Variants in ADAMTS2 observed in about 807,000 individuals in gnomAD.
The protein encoded by ADAMTS2 is A disintegrin and metalloproteinase with thrombospondin motifs 2.
ADAMTS2 carries 50 observed loss-of-function variants against 123.0 expected under a neutral mutation model. The observed-to-expected ratio is 0.41, with a 90% confidence interval of 0.32 to 0.51. The LOEUF (loss-of-function observed/expected upper bound fraction) is 0.51. ADAMTS2 is among the 20% of genes least tolerant of loss of function. The pLI is 0.35. For missense variants in ADAMTS2, 1,494 were observed against 1,705.2 expected (o/e 0.88, Z 2.18); for synonymous variants, 678 against 695.4 (o/e 0.98, Z 0.39).
At chr5:179,136,821 T>G (rs1402931777) in intron 12 of ADAMTS2, among the ~76,000 whole-genome samples, 1 of 150,442 alleles carries the variant, frequency 6.6e-6, no homozygotes, top group Non-Finnish European at 1.5e-5. Context: ...ATGCAAAAAT[T>G]TAGCCGGGTG....
intron 5 of ADAMTS2, among the ~76,000 whole-genome samples, chr5:179,160,052 C>G (rs1225600046): frequency 2.0e-5 from 3 of 152,180 alleles, no homozygotes; most frequent in Non-Finnish European, 4.4e-5. Context: ...AAGGATTTAT[C>G]TGGCCATAAA....
intron 4 of ADAMTS2, among the ~76,000 whole-genome samples, chr5:179,196,857 G>A (rs144472276): frequency 1.3e-5 from 2 of 152,332 alleles, no homozygotes; most frequent in East Asian, 3.9e-4. Flanking sequence ...AATGGCCACA[G>A]GCAATTCATA....
Position 179,307,708 on chromosome 5 carries a change from C to T in ADAMTS2, c.535-34644G>A, listed in dbSNP as rs145519585. Among the ~76,000 whole-genome samples the T allele has an allele frequency of 4.4e-4, 67 of 151,594 alleles. No homozygotes were observed. Among genetic ancestry groups the T allele is most frequent in the South Asian group, 3.3e-3 (16 of 4,792 alleles). ...AGATCTCCTCTGTGTCCTTGGCACA[C>T]TTCAACTCAGCACCTGCCTCAGGGC... On this transcript the variant is annotated intron_variant, in intron 2 of 21. Transcript: ENST00000251582. This position sits in a 1 kb window ranked among gnomAD's most constrained non-coding sequence, Gnocchi z 5.6.
chr5:179,255,432 G>A (rs1422606460), intron 3 of ADAMTS2, among the ~76,000 whole-genome samples: 2 of 152,198 alleles, frequency 1.3e-5, no homozygotes, highest in Non-Finnish European at 2.9e-5. Flanking sequence ...TAGAGGGTGA[G>A]GATTGGGGGT....
chr5:179,136,089 C>T, intron 12 of ADAMTS2, 47 bp from the exon 13 acceptor site: 1 of 1,612,740 alleles, frequency 6.2e-7, no homozygotes, highest in Non-Finnish European at 8.5e-7. Flanking sequence ...TGATGGCTTC[C>T]CCATGTGTGT....
rs151146348 is a variant in ADAMTS2 at position 179,147,545 on chromosome 5, C to T, written c.1629+4597G>A. ...TAGAAGTAGTGACAACCTCCGGTAC[C>T]GCTGAGGCACCTTTTTCTGCAAAGA... On this transcript the variant is annotated intron_variant, in intron 10 of 21. Transcript: ENST00000251582. Among the ~76,000 whole-genome samples the T allele has an allele frequency of 6.6e-3, 1,002 of 152,294 alleles. 9 individuals are homozygous for T. The highest frequency in any genetic ancestry group is 0.014 in the Middle Eastern group (4 of 294).
In ADAMTS2 at chr5:179,124,126, T is replaced by A. The variant is rs537174212; in HGVS notation, c.2958+847A>T. Among the ~76,000 whole-genome samples the A allele has an allele frequency of 2.0e-5, 3 of 152,284 alleles. No homozygotes were observed. The South Asian group carries it at 6.2e-4, about 32-fold the overall frequency. ...TTCTTTTTCCCGATTCTACTCTGTATCCTTTCACCGTAAGCCCCTGCAACT... is the reference window on the plus strand; with the variant it reads ...TTCTTTTTCCCGATTCTACTCTGTAACCTTTCACCGTAAGCCCCTGCAACT... On this transcript the variant is annotated intron_variant, in intron 19 of 21. Transcript: ENST00000251582.
At chr5:179,218,914 G>T (rs1561811938) in intron 3 of ADAMTS2, among the ~76,000 whole-genome samples, 1 of 152,196 alleles carries the variant, frequency 6.6e-6, no homozygotes, top group Non-Finnish European at 1.5e-5. Context: ...GGTGGACACA[G>T]AAGGTCCTGG....
rs1165459932 is a variant in ADAMTS2 at position 179,175,110 on chromosome 5, A to G, written c.975+5962T>C. ...CTTGGGTTCCGCAGCTGTCTCAGCC[A>G]TTCTTGACTGTTCATGTTCCTTTGG... On this transcript the variant is annotated intron_variant, in intron 5 of 21. Coordinates refer to ENST00000251582, the MANE Select transcript of ADAMTS2 (RefSeq NM_014244.5). The surrounding 1 kb of genome is among the most constrained non-coding windows in gnomAD (Gnocchi z 4.1). Among the ~76,000 whole-genome samples the G allele has an allele frequency of 1.3e-5, 2 of 149,006 alleles. No homozygotes were observed. Among genetic ancestry groups the G allele is most frequent in the Admixed American group, 6.6e-5 (1 of 15,082 alleles).
intron 2 of ADAMTS2, among the ~76,000 whole-genome samples, chr5:179,336,115 G>T (rs918359292): frequency 6.6e-6 from 1 of 152,190 alleles, no homozygotes; most frequent in Admixed American, 6.5e-5. Context: ...CCCCCAACAC[G>T]CATCTTTCCA....
intron 21 of ADAMTS2, among the ~76,000 whole-genome samples, 164 bp from the exon 22 acceptor site, chr5:179,114,488 CCCCAGTGCAGG>C (rs1266923258): frequency 6.6e-6 from 1 of 152,140 alleles, no homozygotes; most frequent in Non-Finnish European, 1.5e-5. Flanking sequence ...GTCAAAGCAT[CCCCAGTGCAGG>C]CAGTGTCCAG....
chr5:179,297,482 G>A (rs961156533), intron 2 of ADAMTS2, among the ~76,000 whole-genome samples: 1 of 151,894 alleles, frequency 6.6e-6, no homozygotes, highest in Non-Finnish European at 1.5e-5. Context: ...CCCACTCCCT[G>A]CTAGTACTGT....
rs1757732307 is a variant in ADAMTS2, at chr5:179,340,140, G to A, written c.534+3627C>T. Among the ~76,000 whole-genome samples the A allele has an allele frequency of 2.0e-5, 3 of 152,254 alleles. No individual in the cohort carries two copies. In the South Asian group the frequency reaches 6.2e-4, roughly 31 times the overall value. ...TTGTGGGGTTCGCATCAAGCATCCA[G>A]GGAAGGGCATACACTTCCTCCTTTG... On this transcript the variant is annotated intron_variant, in intron 2 of 21. Coordinates refer to ENST00000251582, the MANE Select transcript of ADAMTS2 (RefSeq NM_014244.5).
chr5:179,272,005 C>G lies in ADAMTS2; in HGVS notation c.688+906G>C, dbSNP rs991132184. Among the ~76,000 whole-genome samples the G allele has an allele frequency of 6.6e-6, 1 of 152,190 alleles. No homozygotes were observed. Among genetic ancestry groups the G allele is most frequent in the Non-Finnish European group, 1.5e-5 (1 of 68,024 alleles). On this transcript the variant is annotated intron_variant, in intron 3 of 21. Transcript: ENST00000251582. The surrounding 1 kb of genome is among the most constrained non-coding windows in gnomAD (Gnocchi z 5.8). ...CTCCAGACTCTCCTCACCCAGGGGT[C>G]CTGACCAGAGGCTGAGGGCTGAGCT...
At chr5:179,165,193 C>T (rs1240399182) in intron 5 of ADAMTS2, among the ~76,000 whole-genome samples, 1 of 152,202 alleles carries the variant, frequency 6.6e-6, no homozygotes, top group Non-Finnish European at 1.5e-5. Flanking sequence ...GCTCCTCTGC[C>T]ACCTGGCCTG....
Position 179,329,155 on chromosome 5 carries a change from G to A in ADAMTS2, c.534+14612C>T, listed in dbSNP as rs185382814. Among the ~76,000 whole-genome samples the A allele has an allele frequency of 5.6e-3, 847 of 151,812 alleles. 11 individuals carry two copies. The highest frequency in any genetic ancestry group is 0.018 in the African/African-American group (736 of 41,242). On this transcript the variant is annotated intron_variant, in intron 2 of 21. Coordinates refer to ENST00000251582, the MANE Select transcript of ADAMTS2 (RefSeq NM_014244.5). ...ATCCTGGCTAACACGGTGAAACCCC[G>A]TCTCTACTAAAAATACAAAAAATTA...
At chr5:179,230,158 T>C (rs1765374787) in intron 3 of ADAMTS2, among the ~76,000 whole-genome samples, 1 of 152,002 alleles carries the variant, frequency 6.6e-6, no homozygotes, top group Non-Finnish European at 1.5e-5. Context: ...TTAGCAGAGG[T>C]GGTCCCGGCG....
intron 3 of ADAMTS2, among the ~76,000 whole-genome samples, chr5:179,221,656 G>C (rs765067302): frequency 2.0e-5 from 3 of 152,168 alleles, no homozygotes; most frequent in Non-Finnish European, 4.4e-5. Flanking sequence ...CGCCTCCTGA[G>C]GGGGCAGGGA....
intron 2 of ADAMTS2, 56 bp from the exon 3 acceptor site, chr5:179,273,120 G>A (rs1209649872): frequency 1.2e-5 from 20 of 1,611,398 alleles, no homozygotes; most frequent in Non-Finnish European, 1.6e-5. Flanking sequence ...CCAAGGAAGG[G>A]GAACAGCGAG....
Sources: allele counts gnomAD v4.1 joint callset (sites outside exome capture counted in the v4.1 genomes callset), GRCh38; gene constraint gnomAD v4.1.1; non-coding constraint Gnocchi (gnomAD v3.1); transcripts MANE v1.5; gene names NCBI Gene and HGNC (gene_info 2026-07-23, HGNC 2026-07-21).